Variants in GINS2 observed in about 807,000 individuals in gnomAD.
GINS2 encodes the protein DNA replication complex GINS protein PSF2.
In GINS2, 23 loss-of-function variants were observed where a neutral mutation model predicts 21.2. That is an observed-to-expected ratio of 1.08 (90% CI 0.78 to 1.53). The LOEUF is 1.53. Among genes scored for constraint, GINS2 ranks in the 40% most tolerant of loss-of-function variants. The pLI is 0.00. For missense variants in GINS2, 323 were observed against 233.9 expected, an observed-to-expected ratio of 1.38 and a Z score of -2.49; for synonymous variants, 118 against 85.6, an observed-to-expected ratio of 1.38 and a Z score of -2.09.
In GINS2 at chr16:85,681,624, G is replaced by A. The variant is rs1184339445; in HGVS notation, c.263C>T (p.Pro88Leu). The change falls in exon 3 of 5, where the codon CCC (proline) becomes CTC (leucine). Residue 88 changes from proline (P) to leucine (L), a missense_variant. Pro to Leu is a moderately conservative substitution (Grantham distance 98). Coordinates refer to ENST00000253462, the MANE Select transcript of GINS2 (RefSeq NM_016095.3). ...CGTAAGTTCCATGTAGTAAGGGCTG[G>A]GCATTGGGGTAAAAGTTTCTTCCTT... ...ERKEETFTPM[P>L]SPYYMELTKL... 16 of 1,612,604 alleles carry A rather than the reference G, an allele frequency of 9.9e-6. No individual in the cohort carries two copies. Among genetic ancestry groups the A allele is most frequent in the Non-Finnish European group, 1.4e-5 (16 of 1,178,764 alleles).
chr16:85,679,967 G>C (rs1321103265), intron 3 of GINS2, among the ~76,000 whole-genome samples: 4 of 152,150 alleles, frequency 2.6e-5, no homozygotes, highest in Non-Finnish European at 5.9e-5. Context: ...CTCTGCCTGA[G>C]CATATCAGTT....
intron 2 of GINS2, among the ~76,000 whole-genome samples, chr16:85,684,149 T>A (rs549574352): frequency 1.2e-4 from 19 of 152,242 alleles, no homozygotes; most frequent in Non-Finnish European, 2.2e-4. Flanking sequence ...TCAAAACCAG[T>A]CTGAGCAACA....
intron 2 of GINS2, among the ~76,000 whole-genome samples, chr16:85,683,289 G>A (rs1258464674): frequency 6.6e-6 from 1 of 151,974 alleles, no homozygotes; most frequent in Admixed American, 6.6e-5. Context: ...AAAGAGCTCA[G>A]CTCCCAACCC....
intron 2 of GINS2, among the ~76,000 whole-genome samples, chr16:85,684,785 C>T (rs1480678511): frequency 6.6e-6 from 1 of 151,064 alleles, no homozygotes. Flanking sequence ...CCAGAACAGG[C>T]AGAACTGGAT....
Position 85,678,266 on chromosome 16 carries a change from G to T in GINS2, c.504C>A (p.Tyr168Ter), listed in dbSNP as rs747020866. Residue 168 changes from tyrosine to a stop codon, truncating the protein, a stop_gained, in exon 5 of 5, where the codon TAC becomes TAA. Coordinates refer to ENST00000253462, the MANE Select transcript of GINS2 (RefSeq NM_016095.3). LOFTEE classifies it high-confidence loss of function. ...GAGGCTGGAGGTTCGTGCGGAGTTT[G>T]TACATGTGGTTGAGCGCTTGTGTGA... ...TFLTQALNHM[Y>*]KLRTNLQPLE... is the part of the protein sequence containing the mutation. 3.7e-6 allele frequency: 6 copies of T among 1,612,916 alleles called. No homozygotes were observed. Among genetic ancestry groups the T allele is most frequent in the Non-Finnish European group, 5.1e-6 (6 of 1,179,034 alleles).
chr16:85,686,680 C>T lies in GINS2; in HGVS notation c.205+780G>A, dbSNP rs376183491. On this transcript the variant is annotated intron_variant, in intron 2 of 4. Coordinates refer to ENST00000253462, the MANE Select transcript of GINS2 (RefSeq NM_016095.3). ...GATAGAAATGGAATGATACAGTGTGCGGCCTTTTGTGCCTGGTTTCTTTCA... is the reference window on the plus strand; with the variant it reads ...GATAGAAATGGAATGATACAGTGTGTGGCCTTTTGTGCCTGGTTTCTTTCA... Among the ~76,000 whole-genome samples, 31 of 152,290 alleles carry T rather than the reference C, an allele frequency of 2.0e-4. 2 individuals carry two copies. Among genetic ancestry groups the T allele is most frequent in the African/African-American group, 7.0e-4 (29 of 41,562 alleles).
chr16:85,683,975 T>G (rs140305751), intron 2 of GINS2, among the ~76,000 whole-genome samples: 19 of 152,284 alleles, frequency 1.2e-4, no homozygotes, highest in African/African-American at 4.1e-4. Context: ...AGTCCATCAT[T>G]CTAGGTATTT....
intron 2 of GINS2, among the ~76,000 whole-genome samples, chr16:85,683,331 C>G (rs987988885): frequency 4.6e-5 from 7 of 152,070 alleles, no homozygotes; most frequent in African/African-American, 1.7e-4. Flanking sequence ...ATATCCACAC[C>G]ACCTCGTCCA....
chr16:85,678,751 T>C, intron 3 of GINS2, 85 bp from the exon 4 acceptor site: 11 of 1,306,192 alleles, frequency 8.4e-6, no homozygotes, highest in Non-Finnish European at 9.7e-6. Context: ...TCAGGCAAAA[T>C]ACCGTGGCTA....
At chr16:85,679,825 CCT>C (rs1214654637) in intron 3 of GINS2, among the ~76,000 whole-genome samples, 1 of 152,214 alleles carries the variant, frequency 6.6e-6, no homozygotes, top group African/African-American at 2.4e-5. Flanking sequence ...CTCTCAGGTC[CCT>C]CTGAGGCCAC....
rs191847532 is a variant in GINS2 at position 85,681,343 on chromosome 16, A to C, written c.305+239T>G. Among the ~76,000 whole-genome samples, 39 of 152,362 alleles carry C rather than the reference A, an allele frequency of 2.6e-4. 2 individuals are homozygous for C. Among genetic ancestry groups the C allele is most frequent in the Admixed American group, 2.1e-3 (32 of 15,308 alleles). On this transcript the variant is annotated intron_variant, in intron 3 of 4. Transcript: ENST00000253462. ...TTCACCGGGAAGTGGAGAAAAGGAA[A>C]AATGAGAGACAGAGAAAGGCAAAGA...
chr16:85,686,322 G>T (rs919651989), intron 2 of GINS2, among the ~76,000 whole-genome samples: 2 of 152,004 alleles, frequency 1.3e-5, no homozygotes, highest in Non-Finnish European at 2.9e-5. Flanking sequence ...GGAGGCTGAC[G>T]CGGGAGAATG....
At chr16:85,685,679 A>AAAAAAAAAAAAAAAC (rs1567792804) in intron 2 of GINS2, among the ~76,000 whole-genome samples, 1 of 144,154 alleles carries the variant, frequency 6.9e-6, no homozygotes, top group African/African-American at 2.8e-5. Context: ...TCAAAAAAAA[A>AAAAAAAAAAAAAAAC]AAAAAAAAAA....
In GINS2 at chr16:85,678,167, T is replaced by C. The variant is rs752197561; in HGVS notation, c.*45A>G. 1.9e-6 allele frequency: 3 copies of C among 1,595,366 alleles called. No individual in the cohort carries two copies. Among genetic ancestry groups the C allele is most frequent in the Non-Finnish European group, 2.6e-6 (3 of 1,166,946 alleles). ...GAACCACGAGTACCTCATCACGTCC[T>C]GAGCGCTCACATCCCCCAGCAAGCC... is the stretch of plus-strand genomic sequence containing the variant. On this transcript the variant is annotated 3_prime_UTR_variant, in exon 5 of 5. Coordinates refer to ENST00000253462, the MANE Select transcript of GINS2 (RefSeq NM_016095.3).
chr16:85,677,554 T>TG lies in GINS2; in HGVS notation c.*657dup, dbSNP rs2053689353. ...CAAGAGAAGGAGACACCCCAGGTGT[T>TG]GGTCTGCAGTTTCCACTTAACTGCC... On this transcript the variant is annotated 3_prime_UTR_variant, in exon 5 of 5. Transcript: ENST00000253462. 6.6e-6 allele frequency: 1 copy of TG among 152,252 alleles called. No homozygotes were observed. The highest frequency in any genetic ancestry group is 2.1e-4 in the South Asian group (1 of 4,830). 9.4% of individuals were successfully genotyped at this position (152,252 alleles called of 1,614,324 possible).
chr16:85,679,528 G>C (rs1177540848), intron 3 of GINS2, among the ~76,000 whole-genome samples: 1 of 152,206 alleles, frequency 6.6e-6, no homozygotes, highest in East Asian at 1.9e-4. Flanking sequence ...TATGTAGTGA[G>C]TTTTATTTAT....
At chr16:85,682,848 C>T (rs569250306) in intron 2 of GINS2, among the ~76,000 whole-genome samples, 12 of 152,152 alleles carry the variant, frequency 7.9e-5, no homozygotes, top group Admixed American at 3.3e-4. Context: ...CCATTGTAAA[C>T]GGCCAACTAC....
intron 1 of GINS2, among the ~76,000 whole-genome samples, chr16:85,688,186 G>A (rs1452590743): frequency 6.6e-6 from 1 of 152,174 alleles, no homozygotes; most frequent in Non-Finnish European, 1.5e-5. Context: ...CATAATCCCA[G>A]CCCTTTGGGA....
rs2053734576 is a variant in GINS2, at chr16:85,681,669, T to A, written c.218A>T (p.Lys73Met). Reference protein sequence around the residue: ...PEWMDVEKLEKMRDHERKEET... With the variant: ...PEWMDVEKLEMMRDHERKEET... Reference sequence around the variant, plus strand: ...TTCCTTTCGTTCATGATCCCTCATCTTCTCCAACTTTTCTGAAATTTAGAA... The same window carrying A: ...TTCCTTTCGTTCATGATCCCTCATCATCTCCAACTTTTCTGAAATTTAGAA... Residue 73 changes from lysine (K) to methionine (M), a missense_variant, in exon 3 of 5, where the codon AAG (lysine) becomes ATG (methionine). Transcript: ENST00000253462. 2 of 1,601,610 alleles carry A rather than the reference T, an allele frequency of 1.2e-6. No homozygotes were observed. Among genetic ancestry groups the A allele is most frequent in the East Asian group, 4.5e-5 (2 of 44,816 alleles).
Sources: allele counts gnomAD v4.1 joint callset (sites outside exome capture counted in the v4.1 genomes callset), GRCh38; gene constraint gnomAD v4.1.1; transcripts MANE v1.5; gene names NCBI Gene and HGNC (gene_info 2026-07-23, HGNC 2026-07-21).